Variants in SMARCC1 observed in about 807,000 individuals in gnomAD.
SMARCC1 encodes SWI/SNF complex subunit SMARCC1.
Under a neutral mutation model 147.4 loss-of-function variants are expected in SMARCC1, and 43 were observed. The observed-to-expected ratio is 0.29, with a 90% CI of 0.23 to 0.38. SMARCC1 has a LOEUF of 0.38. SMARCC1 is among the 10% of genes least tolerant of loss of function. The pLI is 1.00. For synonymous variants in SMARCC1, 495 were observed against 484.4 expected, an observed-to-expected ratio of 1.02 and a Z score of -0.29; for missense variants, 1,119 against 1,381.1, an observed-to-expected ratio of 0.81 and a Z score of 3.01.
chr3:47,678,945 A>G (rs752629859), intron 15 of SMARCC1, among the ~76,000 whole-genome samples: 1 of 152,200 alleles, frequency 6.6e-6, no homozygotes, highest in African/African-American at 2.4e-5. Flanking sequence ...AATTTCTCAC[A>G]GCAGTTCTTT....
At chr3:47,635,616 G>A (rs1002947421) in intron 23 of SMARCC1, among the ~76,000 whole-genome samples, 4 of 152,106 alleles carry the variant, frequency 2.6e-5, no homozygotes, top group African/African-American at 9.7e-5. Flanking sequence ...GAACATACAG[G>A]GGAACTAAGT....
At chr3:47,610,998 T>A (rs1015973242) in intron 25 of SMARCC1, among the ~76,000 whole-genome samples, 1 of 152,206 alleles carries the variant, frequency 6.6e-6, no homozygotes, top group Non-Finnish European at 1.5e-5. Context: ...TGAATCTTAG[T>A]TTAACGACTA....
At chr3:47,725,032 C>A (rs1174210627) in intron 6 of SMARCC1, among the ~76,000 whole-genome samples, 20 of 31,628 alleles carry the variant, frequency 6.3e-4, no homozygotes, top group Admixed American at 9.3e-4. Flanking sequence ...ACTGTCTCCA[C>A]AAAAAAAAAA....
At chr3:47,629,835 T>C (rs2032863209) in intron 24 of SMARCC1, among the ~76,000 whole-genome samples, 1 of 152,042 alleles carries the variant, frequency 6.6e-6, no homozygotes, top group South Asian at 2.1e-4. Flanking sequence ...TGCAATATCA[T>C]GACAGATAAT....
intron 26 of SMARCC1, among the ~76,000 whole-genome samples, chr3:47,597,346 AT>A (rs1417057920): frequency 6.6e-6 from 1 of 151,736 alleles, no homozygotes; most frequent in East Asian, 1.9e-4. Context: ...TTTATTTTTT[AT>A]TTTTTAATTT....
intron 21 of SMARCC1, among the ~76,000 whole-genome samples, chr3:47,648,496 T>A (rs764826833): frequency 1.3e-5 from 2 of 152,090 alleles, no homozygotes; most frequent in Non-Finnish European, 2.9e-5. Context: ...AAGCGATCCT[T>A]CCATCTCTGC....
At chr3:47,714,092 G>A (rs1250235387) in intron 8 of SMARCC1, among the ~76,000 whole-genome samples, 1 of 152,186 alleles carries the variant, frequency 6.6e-6, no homozygotes, top group East Asian at 1.9e-4. Context: ...GGCCAGGCAC[G>A]ATGGCTTACA....
intron 24 of SMARCC1, among the ~76,000 whole-genome samples, chr3:47,634,883 C>T (rs910879930): frequency 5.9e-5 from 9 of 152,162 alleles, no homozygotes; most frequent in Non-Finnish European, 1.0e-4. Context: ...ATAAGTTCTG[C>T]AGGCAAATTA....
At chr3:47,702,983 G>C (rs1265105316) in intron 10 of SMARCC1, among the ~76,000 whole-genome samples, 1 of 152,134 alleles carries the variant, frequency 6.6e-6, no homozygotes, top group Non-Finnish European at 1.5e-5. Context: ...CTGGAGAGAA[G>C]TGGCACTATC....
At chr3:47,626,458 TA>T (rs67479695) in intron 24 of SMARCC1, among the ~76,000 whole-genome samples, 70,168 of 117,396 alleles carry the variant, frequency 0.6, 19,642 homozygotes, top group East Asian at 0.7. Flanking sequence ...ACCCTGTCTT[TA>T]AAAAAAAAAA....
chr3:47,770,120 C>T (rs1407715712), intron 2 of SMARCC1, among the ~76,000 whole-genome samples: 1 of 151,282 alleles, frequency 6.6e-6, no homozygotes, highest in Non-Finnish European at 1.5e-5. Flanking sequence ...CCCAGCTACT[C>T]GGGAGGCTGA....
chr3:47,769,826 T>C (rs2034885975), intron 2 of SMARCC1, among the ~76,000 whole-genome samples: 2 of 152,212 alleles, frequency 1.3e-5, no homozygotes, highest in African/African-American at 4.8e-5. Context: ...AAATAAACTT[T>C]TCTGGAATAA....
At chr3:47,737,961 C>T in intron 4 of SMARCC1, 68 bp downstream of exon 4, 1 of 1,192,418 alleles carries the variant, frequency 8.4e-7, no homozygotes, top group Non-Finnish European at 1.2e-6. Context: ...CCGCGCCTGG[C>T]CAGCCAATCT....
chr3:47,676,414 C>T (rs1488033262), intron 17 of SMARCC1, among the ~76,000 whole-genome samples: 2 of 152,084 alleles, frequency 1.3e-5, no homozygotes, highest in Non-Finnish European at 2.9e-5. Flanking sequence ...GTAAGGCATT[C>T]GGTCTTGGGA....
rs558650469 is a variant in SMARCC1 at position 47,596,946 on chromosome 3, G to A, written c.3044-6109C>T. Among the ~76,000 whole-genome samples the A allele has an allele frequency of 4.6e-5, 7 of 151,654 alleles. No homozygotes were observed. In the South Asian group the frequency reaches 1.3e-3, roughly 27 times the overall value. ...GGCGGTGGCTCCTGCCTGTAATCCCGGCACTTTGGGAGGCCGAGGCAGGCA... is the reference window on the plus strand; with the variant it reads ...GGCGGTGGCTCCTGCCTGTAATCCCAGCACTTTGGGAGGCCGAGGCAGGCA... On this transcript the variant is annotated intron_variant, in intron 26 of 27. Transcript: ENST00000254480.
At chr3:47,704,185 T>C (rs1411762854) in intron 10 of SMARCC1, among the ~76,000 whole-genome samples, 2 of 152,130 alleles carry the variant, frequency 1.3e-5, no homozygotes, top group African/African-American at 4.8e-5. Flanking sequence ...TGCTGCATGA[T>C]GATTTTTTTA....
In SMARCC1 at chr3:47,662,518, G is replaced by A; in HGVS notation, c.1974C>T (p.Ile658=). ...CAATGGGAAGTCTCAAAAAGTGGAG[G>A]ATGCATTCATCCTGAGTACGACTTC... ...HVGSRTQDEC[I]LHFLRLPIED... Residue 658 remains isoleucine, a synonymous_variant, in exon 20 of 28, where the codon ATC becomes ATT. Transcript: ENST00000254480. The A allele has an allele frequency of 1.9e-6, 3 of 1,613,800 alleles. No homozygotes were observed. Among genetic ancestry groups the A allele is most frequent in the Middle Eastern group, 1.7e-4 (1 of 6,060 alleles).
chr3:47,768,610 A>G (rs1015379027), intron 2 of SMARCC1, among the ~76,000 whole-genome samples: 3 of 152,196 alleles, frequency 2.0e-5, no homozygotes, highest in Admixed American at 6.6e-5. Flanking sequence ...AGTGCAATCA[A>G]TATGTACTAT....
intron 14 of SMARCC1, among the ~76,000 whole-genome samples, chr3:47,682,509 A>G (rs1053402595): frequency 1.3e-5 from 2 of 152,124 alleles, no homozygotes; most frequent in African/African-American, 4.8e-5. Context: ...CACCAGCCTC[A>G]GCCTCTCAAA....
Sources: gnomAD v4.1 joint callset for allele counts (sites outside exome capture counted in the v4.1 genomes callset) on GRCh38, gnomAD v4.1.1 for gene constraint, MANE v1.5 for transcripts, NCBI Gene and HGNC (gene_info 2026-07-23, HGNC 2026-07-21) for gene names.